CRMP1: variants seen among roughly 807,000 people sequenced by gnomAD.
CRMP1 encodes the protein collapsin response mediator protein 1.
Under a neutral mutation model 68.3 loss-of-function variants are expected in CRMP1, and 19 were observed. The ratio of observed to expected loss-of-function variants is 0.28; its 90% CI spans 0.19 to 0.41. The LOEUF is 0.41. CRMP1 is among the 10% of genes least tolerant of loss of function. The pLI is 1.00. For missense variants in CRMP1, 791 were observed against 967.4 expected, an observed-to-expected ratio of 0.82 and a Z score of 2.42; for synonymous variants, 439 against 399.6, an observed-to-expected ratio of 1.10 and a Z score of -1.18.
In CRMP1 at chr4:5,842,443, A is replaced by AAAAAG. The variant is rs1276622617; in HGVS notation, c.1032+645_1032+649dup. Among the ~76,000 whole-genome samples the AAAAAG allele has an allele frequency of 1.4e-5, 2 of 147,480 alleles. No homozygotes were observed. The highest frequency in any genetic ancestry group is 2.5e-5 in the African/African-American group (1 of 39,878). ...GACTCCATCTCAAAAAAAAAAAAAA[A>AAAAAG]AAAAGAAAAGAAAGAAAGAAAGTAA... is the stretch of plus-strand genomic sequence containing the variant. On this transcript the variant is annotated intron_variant, in intron 7 of 13. Coordinates refer to ENST00000324989, the MANE Select transcript of CRMP1 (RefSeq NM_001014809.3). The surrounding 1 kb of genome is among the most constrained non-coding windows in gnomAD (Gnocchi z 4.5).
intron 11 of CRMP1, among the ~76,000 whole-genome samples, chr4:5,831,182 T>C (rs1405791288): frequency 6.6e-6 from 1 of 152,028 alleles, no homozygotes; most frequent in Non-Finnish European, 1.5e-5. Flanking sequence ...ACTCCTAGCC[T>C]CAAGTCCCCC....
intron 6 of CRMP1, 53 bp downstream of exon 6, chr4:5,849,339 G>C: frequency 2.1e-6 from 3 of 1,437,362 alleles, no homozygotes; most frequent in Middle Eastern, 1.8e-4. Context: ...CAAACCTTTT[G>C]CAACAAGGAG....
At position 5,880,018 on chromosome 4, in the gene CRMP1, T is replaced by C. The variant is rs114495776; in HGVS notation, c.381+12571A>G. Among the ~76,000 whole-genome samples the C allele has an allele frequency of 3.8e-3, 582 of 152,282 alleles. 3 individuals are homozygous for C. The highest frequency in any genetic ancestry group is 0.013 in the African/African-American group (546 of 41,566). ...AAACATCTTCCAGTGCCTCTAGGAA[T>C]AGCAGTGTGGAAGAAGAAACTTGGG... On this transcript the variant is annotated intron_variant, in intron 1 of 13. Transcript: ENST00000324989.
At chr4:5,864,327 C>A (rs1349210026) in intron 2 of CRMP1, among the ~76,000 whole-genome samples, 3 of 152,128 alleles carry the variant, frequency 2.0e-5, no homozygotes, top group Non-Finnish European at 4.4e-5. Context: ...AAGCCCAGAG[C>A]CCCCACACAA....
chr4:5,835,008 T>G (rs989591115), intron 11 of CRMP1, among the ~76,000 whole-genome samples: 1 of 152,210 alleles, frequency 6.6e-6, no homozygotes, highest in Non-Finnish European at 1.5e-5. Context: ...CTTATGAAAC[T>G]TCCTTGTGCC....
rs776501083 is a variant in CRMP1, at chr4:5,839,594, G to A, written c.1238C>T (p.Ala413Val). 8 of 1,612,540 alleles carry A rather than the reference G, an allele frequency of 5.0e-6. No homozygotes were observed. The highest frequency in any genetic ancestry group is 5.9e-6 in the Non-Finnish European group (7 of 1,179,252). ...HYWSKNWAKA[A>V]AFVTSPPLSP... is the part of the protein sequence containing the mutation. ...CAGGGGAGGGGAAGTCACGAACGCCGCAGCCTTGGCCCAGTTCTTGCTCCA... is the reference window on the plus strand; with the variant it reads ...CAGGGGAGGGGAAGTCACGAACGCCACAGCCTTGGCCCAGTTCTTGCTCCA... Residue 413 changes from alanine (A) to valine (V), a missense_variant, in exon 9 of 14, where the codon GCG becomes GTG. Ala to Val is a moderately conservative substitution (Grantham distance 64, BLOSUM62 0). Transcript: ENST00000324989.
chr4:5,822,079 G>T (rs1011632957), intron 13 of CRMP1, among the ~76,000 whole-genome samples: 1 of 152,206 alleles, frequency 6.6e-6, no homozygotes, highest in South Asian at 2.1e-4. Context: ...ACCACCTTGT[G>T]GTGTTCTTGT....
rs1218169226 is a variant in CRMP1, at chr4:5,825,732, C to A, written c.1804-73G>T. The A allele has an allele frequency of 2.0e-6, 3 of 1,524,040 alleles. No homozygotes were observed. In the Admixed American group the frequency reaches 6.4e-5, roughly 32 times the overall value. The allele number at this position is 1,524,040 out of a possible 1,614,324, so 94.4% of individuals were successfully genotyped here. On this transcript the variant is annotated intron_variant, in intron 12 of 13. Transcript: ENST00000324989. The surrounding 1 kb of genome is among the most constrained non-coding windows in gnomAD (Gnocchi z 4.4). ...GCCCTTCTGGGCAGATAAAGCAGAG[C>A]CCTGCGGGCGAGAGAGAAACCTGAG...
At chr4:5,822,126 G>C (rs1718704903) in intron 13 of CRMP1, among the ~76,000 whole-genome samples, 1 of 152,340 alleles carries the variant, frequency 6.6e-6, no homozygotes, top group African/African-American at 2.4e-5. Context: ...CCTGAGACAG[G>C]TGATCAAACA....
At chr4:5,830,063 A>G (rs1720250898) in intron 11 of CRMP1, among the ~76,000 whole-genome samples, 1 of 152,236 alleles carries the variant, frequency 6.6e-6, no homozygotes, top group South Asian at 2.1e-4. Flanking sequence ...GGTGAAAAAT[A>G]CTATCTCTAG....
Position 5,841,995 on chromosome 4 carries a change from C to A in CRMP1, c.1033-567G>T, listed in dbSNP as rs1266765838. Among the ~76,000 whole-genome samples the A allele has an allele frequency of 6.6e-6, 1 of 152,196 alleles. No homozygotes were observed. Among genetic ancestry groups the A allele is most frequent in the Non-Finnish European group, 1.5e-5 (1 of 68,036 alleles). ...CGGAAGTTTCAGACCAGACTGGCCA[C>A]CATGGTGAAACCCAGTCTCTATTCA... is the stretch of plus-strand genomic sequence containing the variant. On this transcript the variant is annotated intron_variant, in intron 7 of 13. Transcript: ENST00000324989. The surrounding 1 kb of genome is among the most constrained non-coding windows in gnomAD (Gnocchi z 6.9).
rs1224776916 is a variant in CRMP1 at position 5,842,533 on chromosome 4, G to T, written c.1032+560C>A. Among the ~76,000 whole-genome samples the T allele has an allele frequency of 4.0e-5, 6 of 151,542 alleles. No homozygotes were observed. Among genetic ancestry groups the T allele is most frequent in the Non-Finnish European group, 8.8e-5 (6 of 67,904 alleles). ...GCCCACTCTATTCCATGCCCGATCA[G>T]CTTGCCTTCCTCCTTCCACACTCCC... On this transcript the variant is annotated intron_variant, in intron 7 of 13. Transcript: ENST00000324989. The surrounding 1 kb of genome is among the most constrained non-coding windows in gnomAD (Gnocchi z 4.5).
intron 1 of CRMP1, among the ~76,000 whole-genome samples, chr4:5,887,186 A>G (rs544711485): frequency 2.1e-4 from 32 of 152,368 alleles, no homozygotes; most frequent in African/African-American, 6.7e-4. Flanking sequence ...TACACGGGAC[A>G]GGCCACTGGC....
chr4:5,825,661 T>C lies in CRMP1; in HGVS notation c.1804-2A>G. On this transcript the variant is annotated splice_acceptor_variant, in intron 12 of 13. Transcript: ENST00000324989. LOFTEE classifies it high-confidence loss of function. The surrounding 1 kb of genome is among the most constrained non-coding windows in gnomAD (Gnocchi z 4.4). ...GGAAACCCCTTGCAATCCAAAAACC[T>C]AAACAGAGGAAGGGAGAGTGTGATT... 6.2e-7 allele frequency: 1 copy of C among 1,612,418 alleles called. No homozygotes were observed. The highest frequency in any genetic ancestry group is 8.5e-7 in the Non-Finnish European group (1 of 1,179,316).
At chr4:5,857,103 CACCACCACCACA>C (rs1713178490) in intron 3 of CRMP1, among the ~76,000 whole-genome samples, 1 of 99,594 alleles carries the variant, frequency 1.0e-5, no homozygotes, top group African/African-American at 3.7e-5. Context: ...CTAACATCAC[CACCACCACCACA>C]ATCATCACCA....
At chr4:5,824,914 G>A (rs1719301506) in intron 13 of CRMP1, 3 of 985,274 alleles carry the variant, frequency 3.0e-6, no homozygotes, top group South Asian at 4.7e-5. Context: ...GGAGGGATCA[G>A]GTCAACATCT....
chr4:5,825,902 C>T lies in CRMP1; in HGVS notation c.1804-243G>A, dbSNP rs73079528. On this transcript the variant is annotated intron_variant, in intron 12 of 13. Coordinates refer to ENST00000324989, the MANE Select transcript of CRMP1 (RefSeq NM_001014809.3). This position sits in a 1 kb window ranked among gnomAD's most constrained non-coding sequence, Gnocchi z 4.4. ...ATACCCACATGCATACACATACAGACGCACACACCACGCACACGCACTCAC... is the reference window on the plus strand; with the variant it reads ...ATACCCACATGCATACACATACAGATGCACACACCACGCACACGCACTCAC... 41,502 of 518,778 alleles carry T rather than the reference C, an allele frequency of 0.08. 2,574 individuals carry two copies. The highest frequency in any genetic ancestry group is 0.26 in the African/African-American group (12,077 of 46,534). The allele number at this position is 518,778 out of a possible 1,614,324, so 32.1% of individuals were successfully genotyped here. A position where few individuals can be genotyped will look rare whatever the true frequency, so the allele number is the denominator to read the frequency against.
chr4:5,845,813 C>A (rs1259877476), intron 6 of CRMP1, among the ~76,000 whole-genome samples: 1 of 152,114 alleles, frequency 6.6e-6, no homozygotes, highest in East Asian at 1.9e-4. Context: ...ATTTAAATAG[C>A]CTTGAATGGA....
intron 1 of CRMP1, among the ~76,000 whole-genome samples, chr4:5,874,640 C>T (rs1714684926): frequency 6.6e-6 from 1 of 150,518 alleles, no homozygotes; most frequent in South Asian, 2.1e-4. Context: ...AGACAAGAGG[C>T]AAGGAGAGAC....
Sources: allele counts gnomAD v4.1 joint callset (sites outside exome capture counted in the v4.1 genomes callset), GRCh38; gene constraint gnomAD v4.1.1; non-coding constraint Gnocchi (gnomAD v3.1); transcripts MANE v1.5; gene names NCBI Gene and HGNC (gene_info 2026-07-23, HGNC 2026-07-21).